The following CSMD1 variants were observed in gnomAD, a reference collection of about 807,000 sequenced individuals.
CSMD1 encodes the protein CUB and sushi domain-containing protein 1.
CSMD1 carries 213 observed loss-of-function variants against 417.5 expected under a neutral mutation model. The observed-to-expected ratio is 0.51, with a 90% CI of 0.46 to 0.57. CSMD1 has a LOEUF of 0.57. Among genes scored for constraint, CSMD1 ranks in the 20% least tolerant of loss-of-function variants. The pLI is 0.00. For synonymous variants in CSMD1, 2,862 were observed against 1,736.8 expected, an observed-to-expected ratio of 1.65 and a Z score of -16.11; for missense variants, 6,923 against 4,529.7, an observed-to-expected ratio of 1.53 and a Z score of -15.17.
intron 25 of CSMD1, among the ~76,000 whole-genome samples, chr8:3,304,633 C>T (rs980039939): frequency 7.2e-5 from 11 of 151,974 alleles, no homozygotes; most frequent in Admixed American, 4.6e-4. Context: ...ATAGTGTGTA[C>T]CTCATATTGA....
In CSMD1 at chr8:4,148,133, G is replaced by T. The variant is rs146658154; in HGVS notation, c.416-116034C>A. Among the ~76,000 whole-genome samples the T allele has an allele frequency of 4.4e-3, 671 of 152,216 alleles. 8 individuals are homozygous for T. Among genetic ancestry groups the T allele is most frequent in the Admixed American group, 8.5e-3 (130 of 15,296 alleles). ...CTTTGATGCGCGTGACATGCTCTGG[G>T]TGAAGCTCAACTTAGAGTCAATAAC... On this transcript the variant is annotated intron_variant, in intron 3 of 69. Coordinates refer to ENST00000635120, the MANE Select transcript of CSMD1 (RefSeq NM_033225.6).
At chr8:3,934,296 C>A (rs139386875) in intron 5 of CSMD1, among the ~76,000 whole-genome samples, 260 of 152,120 alleles carry the variant, frequency 1.7e-3, no homozygotes, top group African/African-American at 5.4e-3. Flanking sequence ...AACCAAAGTG[C>A]CTACTATGTA....
At chr8:3,571,985 C>G (rs1488309318) in intron 10 of CSMD1, among the ~76,000 whole-genome samples, 1 of 152,124 alleles carries the variant, frequency 6.6e-6, no homozygotes, top group East Asian at 1.9e-4. Flanking sequence ...CGCAGCCTTC[C>G]TAAACGGTAG....
chr8:4,341,999 G>A (rs1800504664), intron 3 of CSMD1, among the ~76,000 whole-genome samples: 1 of 152,018 alleles, frequency 6.6e-6, no homozygotes, highest in Non-Finnish European at 1.5e-5. Context: ...TTTCCACCAT[G>A]CAGTCATTTT....
intron 1 of CSMD1, among the ~76,000 whole-genome samples, chr8:4,639,450 C>A (rs1483789816): frequency 1.3e-5 from 2 of 152,130 alleles, no homozygotes; most frequent in Non-Finnish European, 2.9e-5. Flanking sequence ...TAGGATAACC[C>A]ACTCAAACCC....
chr8:2,984,731 T>A (rs1440358172), intron 54 of CSMD1, among the ~76,000 whole-genome samples: 1 of 152,238 alleles, frequency 6.6e-6, no homozygotes. Flanking sequence ...GTGGTAATTT[T>A]GGGTCTAGGA....
At chr8:4,390,559 G>C (rs1803780929) in intron 3 of CSMD1, among the ~76,000 whole-genome samples, 1 of 101,728 alleles carries the variant, frequency 9.8e-6, no homozygotes, top group Non-Finnish European at 2.1e-5. Context: ...TGTTGCCCAG[G>C]CTGGAGTGCA....
At chr8:3,541,290 A>G (rs182344855) in intron 10 of CSMD1, among the ~76,000 whole-genome samples, 1 of 152,284 alleles carries the variant, frequency 6.6e-6, no homozygotes, top group East Asian at 1.9e-4. Flanking sequence ...AAAACCAAAT[A>G]CTGCATGTTC....
At chr8:4,040,914 T>A (rs1585188022) in intron 3 of CSMD1, among the ~76,000 whole-genome samples, 1 of 152,112 alleles carries the variant, frequency 6.6e-6, no homozygotes, top group Admixed American at 6.6e-5. Context: ...ATCATGAATA[T>A]TTGCTAGTGT....
At chr8:3,920,536 T>A (rs781776395) in intron 5 of CSMD1, among the ~76,000 whole-genome samples, 1 of 152,122 alleles carries the variant, frequency 6.6e-6, no homozygotes, top group Non-Finnish European at 1.5e-5. Flanking sequence ...TTGGCACGAG[T>A]AGGCAACTTG....
intron 5 of CSMD1, among the ~76,000 whole-genome samples, chr8:3,903,194 C>A (rs1410726083): frequency 6.6e-6 from 1 of 152,024 alleles, no homozygotes; most frequent in Non-Finnish European, 1.5e-5. Flanking sequence ...TTCTTCTTAC[C>A]CTTCAGTGTG....
intron 1 of CSMD1, among the ~76,000 whole-genome samples, chr8:4,868,546 C>T (rs1390477434): frequency 1.3e-5 from 2 of 151,902 alleles, no homozygotes; most frequent in Non-Finnish European, 2.9e-5. Flanking sequence ...TTAGTGGGAT[C>T]ATTATTGTTA....
chr8:3,365,360 C>G (rs1809488918), intron 20 of CSMD1, among the ~76,000 whole-genome samples: 1 of 152,140 alleles, frequency 6.6e-6, no homozygotes, highest in Non-Finnish European at 1.5e-5. Flanking sequence ...TAGTTCAGAG[C>G]ATCTTAAAAT....
intron 7 of CSMD1, among the ~76,000 whole-genome samples, chr8:3,696,336 A>C (rs1250715864): frequency 6.6e-6 from 1 of 152,132 alleles, no homozygotes; most frequent in African/African-American, 2.4e-5. Flanking sequence ...TTCACTAATT[A>C]CCCAATGTGT....
chr8:3,265,943 G>A (rs1801399959), intron 26 of CSMD1, among the ~76,000 whole-genome samples: 1 of 151,890 alleles, frequency 6.6e-6, no homozygotes, highest in African/African-American at 2.4e-5. Flanking sequence ...AGGGAAAGGG[G>A]TCCAGTTTTG....
intron 5 of CSMD1, among the ~76,000 whole-genome samples, chr8:3,965,083 A>T (rs1232242566): frequency 6.6e-6 from 1 of 152,226 alleles, no homozygotes; most frequent in East Asian, 1.9e-4. Flanking sequence ...TCGCCGCAGT[A>T]GCTGACTTAG....
At chr8:3,173,332 G>C (rs1029204335) in intron 37 of CSMD1, among the ~76,000 whole-genome samples, 6 of 152,178 alleles carry the variant, frequency 3.9e-5, no homozygotes, top group Non-Finnish European at 8.8e-5. Flanking sequence ...TGTGATGTAA[G>C]ACAGAAGCCA....
chr8:4,924,236 A>G (rs943829540), intron 1 of CSMD1, among the ~76,000 whole-genome samples: 1 of 152,206 alleles, frequency 6.6e-6, no homozygotes, highest in Non-Finnish European at 1.5e-5. Flanking sequence ...TTTTATTTTC[A>G]TCTATGTGAC....
At chr8:3,483,262 G>A (rs537042334) in intron 11 of CSMD1, among the ~76,000 whole-genome samples, 1 of 152,124 alleles carries the variant, frequency 6.6e-6, no homozygotes, top group East Asian at 1.9e-4. Context: ...GAGAGAGATA[G>A]AAGGGAACAA....
Sources: gnomAD v4.1 joint callset for allele counts (sites outside exome capture counted in the v4.1 genomes callset) on GRCh38, gnomAD v4.1.1 for gene constraint, MANE v1.5 for transcripts, NCBI Gene and HGNC (gene_info 2026-07-23, HGNC 2026-07-21) for gene names.